Variants in RNLS observed in about 807,000 individuals in gnomAD.
The protein encoded by RNLS is renalase, FAD dependent amine oxidase, also known as renalase.
Under a neutral mutation model 39.8 loss-of-function variants are expected in RNLS, and 39 were observed. The ratio of observed to expected loss-of-function variants is 0.98; its 90% CI spans 0.76 to 1.28. The LOEUF (loss-of-function observed/expected upper bound fraction) is 1.28, where lower values mean the gene tolerates loss of function less well. Ranked by LOEUF, RNLS falls within the 50% of genes most tolerant of loss-of-function variation. The probability of loss-of-function intolerance (pLI) is 0.00; values close to 1 mark genes in which losing one functional copy is unlikely to be tolerated. For synonymous variants in RNLS, 147 were observed against 150.7 expected, an observed-to-expected ratio of 0.98 and a Z score of 0.18; for missense variants, 410 against 413.3, an observed-to-expected ratio of 0.99 and a Z score of 0.07.
chr10:88,369,029 A>G (rs1850334805), intron 4 of RNLS, among the ~76,000 whole-genome samples: 2 of 152,136 alleles, frequency 1.3e-5, no homozygotes, highest in African/African-American at 4.8e-5. Context: ...CTCTTTTGCA[A>G]ACAGTCTGTT....
intron 5 of RNLS, among the ~76,000 whole-genome samples, chr10:88,361,943 T>C (rs537410931): frequency 6.6e-6 from 1 of 152,318 alleles, no homozygotes; most frequent in South Asian, 2.1e-4. Context: ...TTCTTACAAT[T>C]CAAATCTAAT....
In RNLS at chr10:88,583,073, C is replaced by A; in HGVS notation, c.118G>T (p.Gly40Trp). 2 of 1,611,316 alleles carry A rather than the reference C, an allele frequency of 1.2e-6. No homozygotes were observed. Among genetic ancestry groups the A allele is most frequent in the Non-Finnish European group, 1.7e-6 (2 of 1,178,328 alleles). ...AGGTTTTGGCGTTTAGACAACCCAC[C>A]TGAGTCCTCAGCCTTGTCCCACACA... ...LAVWDKAEDS[G>W]GRMTTACSPH... The change falls in exon 1 of 7, where the codon GGG becomes TGG. Residue 40 changes from glycine (G) to tryptophan (W), a missense_variant and splice_region_variant. Gly to Trp is a radical substitution (Grantham distance 184). Transcript: ENST00000331772.
intron 5 of RNLS, among the ~76,000 whole-genome samples, chr10:88,349,951 T>C (rs1390133207): frequency 2.6e-5 from 4 of 152,082 alleles, no homozygotes; most frequent in Admixed American, 6.6e-5. Flanking sequence ...ACTATGTCTA[T>C]TATATAAATG....
At chr10:88,333,305 T>A (rs976322684) in intron 5 of RNLS, among the ~76,000 whole-genome samples, 1 of 152,212 alleles carries the variant, frequency 6.6e-6, no homozygotes, top group Admixed American at 6.5e-5. Flanking sequence ...CAAAACTTTT[T>A]AAAAAGTTAT....
In RNLS at chr10:88,285,071, G is replaced by A. The variant is rs1843172936; in HGVS notation, c.*283C>T. The A allele has an allele frequency of 9.9e-7, 1 of 1,014,512 alleles. No individual in the cohort carries two copies. 62.8% of individuals were successfully genotyped at this position (1,014,512 alleles called of 1,614,324 possible). A position where few individuals can be genotyped will look rare whatever the true frequency, so the allele number is the denominator to read the frequency against. The stretch of plus-strand genomic sequence containing the variant: ...GTGATTTAATGTAATTTTTTTGAGA[G>A]AGTCGTTTGTTATTTTTTAAGTACC... On this transcript the variant is annotated 3_prime_UTR_variant, in exon 7 of 7. Transcript: ENST00000331772.
chr10:88,409,925 T>A (rs1453196397), intron 4 of RNLS, among the ~76,000 whole-genome samples: 1 of 152,128 alleles, frequency 6.6e-6, no homozygotes, highest in Non-Finnish European at 1.5e-5. Context: ...CTGTAAAGTG[T>A]CAGACAGCAA....
At chr10:88,304,067 A>T (rs1402997614) in intron 6 of RNLS, among the ~76,000 whole-genome samples, 1 of 152,230 alleles carries the variant, frequency 6.6e-6, no homozygotes, top group Non-Finnish European at 1.5e-5. Context: ...CAGCATGCAG[A>T]CCAGGAGTTG....
intron 4 of RNLS, among the ~76,000 whole-genome samples, chr10:88,518,389 C>T (rs1463414366): frequency 6.6e-6 from 1 of 151,674 alleles, no homozygotes; most frequent in Non-Finnish European, 1.5e-5. Flanking sequence ...TCTGTCAATA[C>T]ATCAATATGA....
At chr10:88,290,211 G>C (rs7097903) in intron 6 of RNLS, among the ~76,000 whole-genome samples, 91,230 of 151,930 alleles carry the variant, frequency 0.6, 27,685 homozygotes, top group Admixed American at 0.63. Context: ...TGCGTCCCTG[G>C]ACTAGGAGAC....
At chr10:88,234,599 C>T in the RNLS span, among the ~76,000 whole-genome samples, 4 of 152,110 alleles carry the variant, frequency 2.6e-5, no homozygotes, top group East Asian at 1.9e-4. Flanking sequence ...GGGTGGGTCA[C>T]GATTCACTGC....
the RNLS span, among the ~76,000 whole-genome samples, chr10:88,194,247 C>T: frequency 6.6e-6 from 1 of 152,218 alleles, no homozygotes; most frequent in Non-Finnish European, 1.5e-5. Flanking sequence ...TGTTTAGCAG[C>T]AACGCTGTCT....
chr10:88,311,116 T>G (rs995086802), intron 6 of RNLS, among the ~76,000 whole-genome samples: 4 of 152,150 alleles, frequency 2.6e-5, no homozygotes, highest in African/African-American at 7.2e-5. Flanking sequence ...CACTCACATT[T>G]TCTGGAATTG....
the RNLS span, among the ~76,000 whole-genome samples, chr10:88,244,084 A>G: frequency 2.0e-5 from 3 of 152,072 alleles, no homozygotes; most frequent in Non-Finnish European, 4.4e-5. Context: ...GCTTCTCTCA[A>G]TGCTCTTCGG....
At chr10:88,332,805 G>T (rs977496776) in intron 5 of RNLS, among the ~76,000 whole-genome samples, 3 of 152,076 alleles carry the variant, frequency 2.0e-5, no homozygotes, top group Non-Finnish European at 2.9e-5. Flanking sequence ...AAAGTGTGTG[G>T]TTTTTTTCTC....
At chr10:88,526,221 A>AG (rs1483194297) in intron 4 of RNLS, among the ~76,000 whole-genome samples, 1 of 151,692 alleles carries the variant, frequency 6.6e-6, no homozygotes, top group African/African-American at 2.4e-5. Context: ...GGTCACCTTG[A>AG]GAAAAATATA....
At chr10:88,525,957 C>T (rs950857133) in intron 4 of RNLS, among the ~76,000 whole-genome samples, 1 of 152,032 alleles carries the variant, frequency 6.6e-6, no homozygotes, top group Non-Finnish European at 1.5e-5. Context: ...ACTAAAAAAA[C>T]TGGCCGAATG....
At chr10:88,186,558 C>T in the RNLS span, among the ~76,000 whole-genome samples, 7 of 152,236 alleles carry the variant, frequency 4.6e-5, no homozygotes, top group South Asian at 1.5e-3. Flanking sequence ...TGGAAGGGAA[C>T]CCAAGACACC....
intron 5 of RNLS, among the ~76,000 whole-genome samples, chr10:88,361,362 T>C (rs2133363439): frequency 6.6e-6 from 1 of 152,340 alleles, no homozygotes; most frequent in South Asian, 2.1e-4. Context: ...TAAATTTTTT[T>C]TTCTGTTATA....
the RNLS span, among the ~76,000 whole-genome samples, chr10:88,184,519 T>TCTCCC: frequency 6.6e-6 from 1 of 152,072 alleles, no homozygotes; most frequent in Non-Finnish European, 1.5e-5. Context: ...TGTTCTTTTT[T>TCTCCC]CTCCCCCCAG....
Sources: allele counts gnomAD v4.1 joint callset (sites outside exome capture counted in the v4.1 genomes callset), GRCh38; gene constraint gnomAD v4.1.1; transcripts MANE v1.5; gene names NCBI Gene and HGNC (gene_info 2026-07-23, HGNC 2026-07-21).